NPAT: variants seen among roughly 807,000 people sequenced by gnomAD.
NPAT encodes nuclear protein, coactivator of histone transcription.
In NPAT, 52 loss-of-function variants were observed where a neutral mutation model predicts 130.7. That is an observed-to-expected ratio of 0.40 (90% CI 0.32 to 0.50). The LOEUF is 0.50. Ranked by LOEUF, NPAT falls within the 20% of genes least tolerant of loss-of-function variation. NPAT has a pLI of 0.68. For missense variants in NPAT, 1,687 were observed against 1,662.6 expected, an observed-to-expected ratio of 1.01 and a Z score of -0.26; for synonymous variants, 580 against 584.8, an observed-to-expected ratio of 0.99 and a Z score of 0.12.
In NPAT at chr11:108,160,880, CTTAA is replaced by C. The variant is rs1314835455; in HGVS notation, c.4202_4205del (p.Ile1401ArgfsTer15). ...TTGAAATTAAAACTTTCAAACTTGC[CTTAA>C]TTTTCTTCTTTTTCATTGGTATTGA... On this transcript the variant is annotated frameshift_variant and splice_region_variant, in exon 17 of 18. Transcript: ENST00000278612. LOFTEE classifies it high-confidence loss of function. The C allele has an allele frequency of 2.5e-6, 4 of 1,611,666 alleles. No individual in the cohort carries two copies. Among genetic ancestry groups the C allele is most frequent in the Non-Finnish European group, 3.4e-6 (4 of 1,178,870 alleles).
At chr11:108,202,796 A>G (rs918683281) in intron 1 of NPAT, among the ~76,000 whole-genome samples, 36 of 151,986 alleles carry the variant, frequency 2.4e-4, no homozygotes, top group Non-Finnish European at 3.7e-4. Flanking sequence ...GGCATCCACT[A>G]CCTCCTAGTG....
At chr11:108,198,312 T>C (rs75610336) in intron 1 of NPAT, among the ~76,000 whole-genome samples, 2,016 of 152,204 alleles carry the variant, frequency 0.013, 21 homozygotes, top group South Asian at 0.023. Flanking sequence ...GAAGTATGGA[T>C]CATACAGAGT....
chr11:108,204,795 G>A (rs1003851286), intron 1 of NPAT, among the ~76,000 whole-genome samples: 8 of 152,234 alleles, frequency 5.3e-5, no homozygotes, highest in African/African-American at 1.9e-4. Flanking sequence ...AGACAGAGTT[G>A]TAACAGTCCT....
chr11:108,185,515 T>C, intron 8 of NPAT, 21 bp from the exon 9 acceptor site: 1 of 1,448,486 alleles, frequency 6.9e-7, no homozygotes, highest in South Asian at 1.1e-5. Context: ...AAGCCACTGT[T>C]AGCAAAAGGA....
intron 1 of NPAT, among the ~76,000 whole-genome samples, chr11:108,211,213 TA>T (rs1009722130): frequency 4.5e-4 from 62 of 139,232 alleles, no homozygotes; most frequent in East Asian, 6.3e-4. Context: ...AGACACCGTC[TA>T]AAAAAAAAAA....
chr11:108,171,570 T>C (rs1223713981), intron 13 of NPAT: 2 of 151,848 alleles, frequency 1.3e-5, no homozygotes, highest in African/African-American at 4.8e-5. Context: ...CTGAAACCTC[T>C]GTCTCCTGGG....
chr11:108,196,869 C>T (rs1457388454), intron 2 of NPAT, among the ~76,000 whole-genome samples: 2 of 152,166 alleles, frequency 1.3e-5, no homozygotes, highest in African/African-American at 4.8e-5. Context: ...TGGCAAACAC[C>T]ATGTGAAATG....
At chr11:108,216,967 G>C (rs909507325) in intron 1 of NPAT, among the ~76,000 whole-genome samples, 1 of 152,012 alleles carries the variant, frequency 6.6e-6, no homozygotes, top group African/African-American at 2.4e-5. Flanking sequence ...GCAAGTCCTC[G>C]AATACCATCA....
At chr11:108,200,459 C>T (rs1407427005) in intron 1 of NPAT, among the ~76,000 whole-genome samples, 1 of 152,158 alleles carries the variant, frequency 6.6e-6, no homozygotes, top group East Asian at 1.9e-4. Context: ...ATCCTTATGG[C>T]TCCAGGACAG....
At chr11:108,184,746 G>A (rs2078090187) in intron 10 of NPAT, among the ~76,000 whole-genome samples, 1 of 152,134 alleles carries the variant, frequency 6.6e-6, no homozygotes, top group Non-Finnish European at 1.5e-5. Flanking sequence ...GGCCAAGCTG[G>A]TCTCGAATTC....
At chr11:108,220,420 T>C (rs1310302477) in intron 1 of NPAT, among the ~76,000 whole-genome samples, 1 of 152,204 alleles carries the variant, frequency 6.6e-6, no homozygotes, top group Non-Finnish European at 1.5e-5. Context: ...AAGTGTTTTT[T>C]TGTGTGTATG....
At chr11:108,203,558 G>A (rs540770880) in intron 1 of NPAT, among the ~76,000 whole-genome samples, 12 of 152,262 alleles carry the variant, frequency 7.9e-5, no homozygotes, top group African/African-American at 2.6e-4. Flanking sequence ...AAAAATCAGA[G>A]ACCTCAAGCT....
rs1565304932 is a variant in NPAT, at chr11:108,161,206, G to A, written c.3880C>T (p.Arg1294Cys). 1.9e-6 allele frequency: 3 copies of A among 1,614,112 alleles called. No homozygotes were observed. Among genetic ancestry groups the A allele is most frequent in the Non-Finnish European group, 2.5e-6 (3 of 1,180,004 alleles). The part of the protein sequence containing the change: ...IDIIKAPSSR[R>C]FSEDSSTSKV... ...GATGTACTACTGTCTTCACTGAAAC[G>A]CCTACTAGAGGGGGCCTTGATAATA... The change falls in exon 17 of 18, where the codon CGT (arginine) becomes TGT (cysteine). Residue 1294 changes from arginine to cysteine, a missense_variant. Physicochemically the swap from Arg to Cys is radical, Grantham distance 180 (BLOSUM62 -3). This residue lies in a region of NPAT where 1,379 missense variants were observed against 1,346.6 expected (regional missense o/e 1.02). Transcript: ENST00000278612.
intron 1 of NPAT, among the ~76,000 whole-genome samples, chr11:108,216,789 A>T (rs1334827524): frequency 6.6e-6 from 1 of 152,170 alleles, no homozygotes; most frequent in Non-Finnish European, 1.5e-5. Flanking sequence ...CAAAATAGTA[A>T]TATCTAGGAT....
chr11:108,197,697 C>A (rs540838854), intron 1 of NPAT, among the ~76,000 whole-genome samples: 14 of 152,254 alleles, frequency 9.2e-5, no homozygotes, highest in Non-Finnish European at 1.9e-4. Flanking sequence ...TACAGGAGAA[C>A]CAATAAATTA....
intron 1 of NPAT, among the ~76,000 whole-genome samples, chr11:108,220,074 G>A (rs1055936800): frequency 2.0e-5 from 3 of 152,198 alleles, no homozygotes; most frequent in African/African-American, 4.8e-5. Context: ...AGGAAGTTGA[G>A]ATCAAGTTGG....
intron 1 of NPAT, among the ~76,000 whole-genome samples, chr11:108,204,520 T>C (rs1309510688): frequency 6.6e-6 from 1 of 151,058 alleles, no homozygotes; most frequent in Non-Finnish European, 1.5e-5. Context: ...AATCTCATTC[T>C]TCTCAGATGC....
At chr11:108,213,963 C>T (rs1198547595) in intron 1 of NPAT, among the ~76,000 whole-genome samples, 1 of 152,116 alleles carries the variant, frequency 6.6e-6, no homozygotes, top group Admixed American at 6.6e-5. Context: ...TCATAGCTCA[C>T]TATAACCTTG....
At chr11:108,209,162 C>T (rs1298639138) in intron 1 of NPAT, among the ~76,000 whole-genome samples, 1 of 152,130 alleles carries the variant, frequency 6.6e-6, no homozygotes, top group African/African-American at 2.4e-5. Flanking sequence ...CGCCTGTAAT[C>T]CCAGATACTC....
Sources: allele counts gnomAD v4.1 joint callset (sites outside exome capture counted in the v4.1 genomes callset), GRCh38; gene constraint gnomAD v4.1.1; regional missense constraint gnomAD v4.1.1; transcripts MANE v1.5; gene names NCBI Gene and HGNC (gene_info 2026-07-23, HGNC 2026-07-21).